TMTC1: variants seen among roughly 807,000 people sequenced by gnomAD.
The protein encoded by TMTC1 is protein O-mannosyl-transferase TMTC1.
A neutral mutation model predicts 104.8 loss-of-function variants in TMTC1; 73 were observed. The ratio of observed to expected loss-of-function variants is 0.70; its 90% confidence interval spans 0.58 to 0.85. The LOEUF (loss-of-function observed/expected upper bound fraction) is 0.85, where lower values mean the gene tolerates loss of function less well. Ranked by LOEUF, TMTC1 falls within the 40% of genes least tolerant of loss-of-function variation. TMTC1 has a pLI of 0.00. For missense variants in TMTC1, 1,035 were observed against 1,096.1 expected, an observed-to-expected ratio of 0.94 and a Z score of 0.79; for synonymous variants, 434 against 428.7, an observed-to-expected ratio of 1.01 and a Z score of -0.15.
At chr12:29,757,576 C>T (rs994615996) in intron 3 of TMTC1, among the ~76,000 whole-genome samples, 3 of 152,148 alleles carry the variant, frequency 2.0e-5, no homozygotes, top group Non-Finnish European at 4.4e-5. Flanking sequence ...ATCAGGGCCA[C>T]CAAATGCTTA....
intron 1 of TMTC1, 136 bp from the exon 2 acceptor site, chr12:29,768,211 G>A: frequency 1.4e-6 from 1 of 728,512 alleles, no homozygotes; most frequent in Non-Finnish European, 2.1e-6. Flanking sequence ...CCAACATTGG[G>A]TTATTTTTTA....
intron 8 of TMTC1, among the ~76,000 whole-genome samples, chr12:29,579,124 T>G (rs1281808589): frequency 6.6e-6 from 1 of 152,192 alleles, no homozygotes; most frequent in African/African-American, 2.4e-5. Flanking sequence ...CCACGGCCAG[T>G]AAATGGTCAG....
chr12:29,641,654 C>T (rs376295235), intron 5 of TMTC1, among the ~76,000 whole-genome samples: 49 of 152,174 alleles, frequency 3.2e-4, no homozygotes, highest in Admixed American at 3.9e-4. Flanking sequence ...ACCAGAAAAC[C>T]GACCCTGATA....
intron 2 of TMTC1, among the ~76,000 whole-genome samples, chr12:29,765,184 A>C (rs1943435260): frequency 6.6e-6 from 1 of 152,186 alleles, no homozygotes; most frequent in South Asian, 2.1e-4. Context: ...TTAAAAACTT[A>C]AGTATCTCTC....
chr12:29,506,790 T>C lies in TMTC1; in HGVS notation c.*56A>G, dbSNP rs1355012307. The C allele has an allele frequency of 1.7e-5, 27 of 1,603,350 alleles. No homozygotes were observed. The highest frequency in any genetic ancestry group is 2.2e-5 in the Non-Finnish European group (26 of 1,171,384). ...TGCTGATGTGAAAGCAAGGCTTCCA[T>C]CACTCCCCTTTCAGAGGCACCACAT... On this transcript the variant is annotated 3_prime_UTR_variant, in exon 18 of 18. Transcript: ENST00000539277.
At chr12:29,542,782 T>C in intron 10 of TMTC1, among the ~76,000 whole-genome samples, 1 of 152,198 alleles carries the variant, frequency 6.6e-6, no homozygotes, top group Admixed American at 6.5e-5. Flanking sequence ...CTGGTTAATT[T>C]GCCCCATGAA....
intron 10 of TMTC1, among the ~76,000 whole-genome samples, chr12:29,537,330 A>G (rs1295451767): frequency 3.3e-5 from 5 of 152,214 alleles, no homozygotes; most frequent in Non-Finnish European, 7.3e-5. Context: ...TATCTTTCAC[A>G]TAACATTATT....
chr12:29,772,190 C>G lies in TMTC1; in HGVS notation c.303-4115G>C, dbSNP rs1251186391. Among the ~76,000 whole-genome samples the G allele has an allele frequency of 2.6e-5, 4 of 152,256 alleles. No individual in the cohort carries two copies. In the South Asian group the frequency reaches 8.3e-4, roughly 32 times the overall value. On this transcript the variant is annotated intron_variant, in intron 1 of 17. Transcript: ENST00000539277. ...AACTGGTGGCTTCATATAAAAATTT[C>G]CAGCTTCTCTTGAAATATTAGAAGA... is the stretch of plus-strand genomic sequence containing the variant.
intron 5 of TMTC1, among the ~76,000 whole-genome samples, chr12:29,654,608 T>C (rs577685522): frequency 2.6e-5 from 4 of 152,044 alleles, no homozygotes; most frequent in Admixed American, 2.0e-4. Flanking sequence ...CCTAGGTACA[T>C]ACTCAAGAGA....
intron 5 of TMTC1, among the ~76,000 whole-genome samples, chr12:29,713,300 TACACACACACACACAC>T (rs10574727): frequency 2.2e-5 from 3 of 134,410 alleles, no homozygotes; most frequent in Non-Finnish European, 3.2e-5. Context: ...CATAAACACA[TACACACACACACACAC>T]ACACACACAC....
rs549227127 is a variant in TMTC1 at position 29,664,847 on chromosome 12, C to T, written c.939-31511G>A. Reference sequence around the variant, plus strand: ...TGCTATTACTATTTTTTTCTAATTCCAGTCAAGTTCTCCATTCTTTTCCTT... The same window carrying T: ...TGCTATTACTATTTTTTTCTAATTCTAGTCAAGTTCTCCATTCTTTTCCTT... On this transcript the variant is annotated intron_variant, in intron 5 of 17. Coordinates refer to ENST00000539277, the MANE Select transcript of TMTC1 (RefSeq NM_001193451.2). Among the ~76,000 whole-genome samples, 353 of 152,150 alleles carry T rather than the reference C, an allele frequency of 2.3e-3. 1 individual carries two copies. Among genetic ancestry groups the T allele is most frequent in the Non-Finnish European group, 4.1e-3 (277 of 67,982 alleles).
chr12:29,715,991 T>TATTATC (rs1942066786), intron 5 of TMTC1, among the ~76,000 whole-genome samples: 1 of 30,850 alleles, frequency 3.2e-5, no homozygotes, highest in Non-Finnish European at 1.2e-4. Flanking sequence ...AACTCAGTAT[T>TATTATC]ATTATTATTA....
intron 10 of TMTC1, among the ~76,000 whole-genome samples, chr12:29,542,800 C>T (rs1213008974): frequency 1.3e-5 from 2 of 152,010 alleles, no homozygotes; most frequent in Non-Finnish European, 2.9e-5. Flanking sequence ...GAAAGATACT[C>T]CTGGATACCA....
upstream of TMTC1, chr12:29,784,696 T>A (rs920973262): frequency 6.6e-6 from 1 of 152,208 alleles, no homozygotes; most frequent in Non-Finnish European, 1.5e-5. Flanking sequence ...TTCTGAAACA[T>A]TTCTTATTTT....
chr12:29,783,625 G>C lies in TMTC1; in HGVS notation c.127C>G (p.Arg43Gly). 1 of 1,465,888 alleles carries C rather than the reference G, an allele frequency of 6.8e-7. No homozygotes were observed. The highest frequency in any genetic ancestry group is 9.0e-7 in the Non-Finnish European group (1 of 1,111,490). The allele number at this position is 1,465,888 out of a possible 1,614,324, so 90.8% of individuals were successfully genotyped here. Residue 43 changes from arginine to glycine, a missense_variant, in exon 1 of 18, where the codon CGC (arginine) becomes GGC (glycine). Transcript: ENST00000539277. This position sits in a 1 kb window ranked among gnomAD's most constrained non-coding sequence, Gnocchi z 4.7. Reference sequence around the variant, plus strand: ...TGCACGAACTCGCCCTGCAGGGAGCGGCCGTAGCACAGGCAGCTTGCCCCG... The same window carrying C: ...TGCACGAACTCGCCCTGCAGGGAGCCGCCGTAGCACAGGCAGCTTGCCCCG... Reference protein sequence around the residue: ...LAGASCLCYGRSLQGEFVHDD... With the variant: ...LAGASCLCYGGSLQGEFVHDD...
At chr12:29,658,549 A>C (rs1490174474) in intron 5 of TMTC1, 1 of 169,010 alleles carries the variant, frequency 5.9e-6, no homozygotes, top group African/African-American at 2.4e-5. Context: ...CTTAGCAAGA[A>C]TCTTGCCCTG....
rs532054683 is a variant in TMTC1, at chr12:29,662,471, G to A, written c.939-29135C>T. Among the ~76,000 whole-genome samples, 6 of 152,156 alleles carry A rather than the reference G, an allele frequency of 3.9e-5. No individual in the cohort carries two copies. In the South Asian group the frequency reaches 1.2e-3, roughly 32 times the overall value. On this transcript the variant is annotated intron_variant, in intron 5 of 17. Coordinates refer to ENST00000539277, the MANE Select transcript of TMTC1 (RefSeq NM_001193451.2). The stretch of plus-strand genomic sequence containing the variant: ...TCGAGACCAGCCTGGTCAATATGGT[G>A]AAACCCCATCTCTATTAAAAATACA...
intron 12 of TMTC1, 56 bp downstream of exon 12, chr12:29,520,562 T>C: frequency 6.9e-7 from 1 of 1,442,280 alleles, no homozygotes; most frequent in South Asian, 1.2e-5. Context: ...TCCATTTTGC[T>C]TGATAAATTG....
intron 10 of TMTC1, among the ~76,000 whole-genome samples, chr12:29,551,472 A>C (rs915623453): frequency 1.3e-5 from 2 of 152,218 alleles, no homozygotes; most frequent in Non-Finnish European, 2.9e-5. Context: ...TAGTTCAATT[A>C]TTGGACATTC....
Sources: allele counts gnomAD v4.1 joint callset (sites outside exome capture counted in the v4.1 genomes callset), GRCh38; gene constraint gnomAD v4.1.1; non-coding constraint Gnocchi (gnomAD v3.1); transcripts MANE v1.5; gene names NCBI Gene and HGNC (gene_info 2026-07-23, HGNC 2026-07-21).